Variants in SUGCT observed in about 807,000 individuals in gnomAD.
The protein encoded by SUGCT is succinyl-CoA:glutarate-CoA transferase.
Under a neutral mutation model 55.0 loss-of-function variants are expected in SUGCT, and 41 were observed. The ratio of observed to expected loss-of-function variants is 0.74; its 90% CI spans 0.58 to 0.97. The LOEUF is 0.97. Among genes scored for constraint, SUGCT ranks in the 50% least tolerant of loss-of-function variants. The pLI is 0.00. For missense variants in SUGCT, 568 were observed against 547.8 expected (o/e 1.04, Z -0.37); for synonymous variants, 187 against 200.4 (o/e 0.93, Z 0.56).
chr7:40,723,795 C>T (rs1786471147), intron 12 of SUGCT, among the ~76,000 whole-genome samples: 1 of 152,178 alleles, frequency 6.6e-6, no homozygotes, highest in Non-Finnish European at 1.5e-5. Flanking sequence ...AGATATTCAG[C>T]CCTTAACCAC....
chr7:40,312,637 G>A (rs888121098), intron 8 of SUGCT, among the ~76,000 whole-genome samples: 1 of 152,176 alleles, frequency 6.6e-6, no homozygotes, highest in Non-Finnish European at 1.5e-5. Flanking sequence ...CTGTGAAAGT[G>A]CAGTAGAAAT....
At chr7:40,564,373 A>T (rs572912619) in intron 12 of SUGCT, among the ~76,000 whole-genome samples, 1 of 152,358 alleles carries the variant, frequency 6.6e-6, no homozygotes, top group African/African-American at 2.4e-5. Context: ...CGACAGAGCG[A>T]GACTCCGTCT....
At chr7:40,483,401 T>C (rs1288509344) in intron 11 of SUGCT, among the ~76,000 whole-genome samples, 2 of 152,196 alleles carry the variant, frequency 1.3e-5, no homozygotes, top group Non-Finnish European at 1.5e-5. Context: ...TATTTAACAC[T>C]TATATAGCAC....
At chr7:40,933,925 G>A in the SUGCT span, among the ~76,000 whole-genome samples, 1 of 152,148 alleles carries the variant, frequency 6.6e-6, no homozygotes, top group Admixed American at 6.5e-5. Flanking sequence ...ACCTTCCGAA[G>A]CCTACTTCTC....
At chr7:40,706,539 G>A (rs1785418439) in intron 12 of SUGCT, among the ~76,000 whole-genome samples, 1 of 152,120 alleles carries the variant, frequency 6.6e-6, no homozygotes, top group East Asian at 1.9e-4. Flanking sequence ...CATGATAAGA[G>A]TCTTCGAATT....
chr7:40,414,993 C>T lies in SUGCT; in HGVS notation c.817-34294C>T, dbSNP rs144257068. 1.4e-3 allele frequency among the ~76,000 whole-genome samples: 204 copies of T among 149,208 alleles called. 2 individuals carry two copies. The highest frequency in any genetic ancestry group is 9.9e-3 in the East Asian group (50 of 5,036). Reference sequence around the variant, plus strand: ...TCTGGGGGCGGATGTTGCACTGAGCCGAGGTCACGCCACTGCACTCCAACC... The same window carrying T: ...TCTGGGGGCGGATGTTGCACTGAGCTGAGGTCACGCCACTGCACTCCAACC... On this transcript the variant is annotated intron_variant, in intron 9 of 13. Transcript: ENST00000335693.
chr7:40,186,404 G>C (rs1031986584), intron 3 of SUGCT, among the ~76,000 whole-genome samples: 1 of 151,764 alleles, frequency 6.6e-6, no homozygotes, highest in East Asian at 1.9e-4. Flanking sequence ...GAATACAGGC[G>C]TGTGCTACCA....
At chr7:40,418,003 A>C (rs1787104661) in intron 9 of SUGCT, among the ~76,000 whole-genome samples, 1 of 152,010 alleles carries the variant, frequency 6.6e-6, no homozygotes, top group Admixed American at 6.6e-5. Context: ...ACACGAGTCA[A>C]AGCTTCATGT....
chr7:40,438,046 T>C (rs1788269763), intron 9 of SUGCT, among the ~76,000 whole-genome samples: 1 of 152,160 alleles, frequency 6.6e-6, no homozygotes, highest in Non-Finnish European at 1.5e-5. Flanking sequence ...TGTGTTGACA[T>C]GGACTTCTGA....
chr7:40,898,323 C>T, the SUGCT span, among the ~76,000 whole-genome samples: 37 of 152,086 alleles, frequency 2.4e-4, no homozygotes, highest in Admixed American at 2.1e-3. Context: ...GTTTAAGAGC[C>T]GTAAGACTCA....
At chr7:40,364,458 G>A (rs1168728079) in intron 9 of SUGCT, among the ~76,000 whole-genome samples, 2 of 152,138 alleles carry the variant, frequency 1.3e-5, no homozygotes, top group African/African-American at 4.8e-5. Flanking sequence ...GGTACCGGTT[G>A]TTCCTTTCCA....
chr7:40,257,905 A>G (rs1790923680), intron 7 of SUGCT, among the ~76,000 whole-genome samples: 1 of 152,140 alleles, frequency 6.6e-6, no homozygotes, highest in Non-Finnish European at 1.5e-5. Context: ...AAATTTAAGT[A>G]TCATGAACAA....
chr7:40,359,002 A>G (rs1296730204), intron 9 of SUGCT, among the ~76,000 whole-genome samples: 7 of 152,222 alleles, frequency 4.6e-5, no homozygotes, highest in Admixed American at 4.6e-4. Flanking sequence ...CACTATGTTT[A>G]CAAACTCACT....
At chr7:40,569,259 C>G (rs897422260) in intron 12 of SUGCT, among the ~76,000 whole-genome samples, 19 of 152,096 alleles carry the variant, frequency 1.2e-4, no homozygotes, top group Non-Finnish European at 2.4e-4. Context: ...ACACTCAAGT[C>G]TCTCCTTTCC....
chr7:40,222,869 C>T (rs2150831115), intron 6 of SUGCT, among the ~76,000 whole-genome samples: 1 of 152,206 alleles, frequency 6.6e-6, no homozygotes, highest in African/African-American at 2.4e-5. Context: ...ACCTTGTGAT[C>T]CACCTGCCTA....
chr7:40,676,506 T>G (rs1177976277), intron 12 of SUGCT, among the ~76,000 whole-genome samples: 1 of 88,318 alleles, frequency 1.1e-5, no homozygotes, highest in Non-Finnish European at 1.9e-5. Context: ...TGTTTTTTGT[T>G]TTTTTTTTTT....
intron 13 of SUGCT, among the ~76,000 whole-genome samples, chr7:40,851,266 C>T (rs1274625358): frequency 6.6e-6 from 1 of 152,138 alleles, no homozygotes; most frequent in Non-Finnish European, 1.5e-5. Flanking sequence ...TTCTTAACCT[C>T]TCTGAGCTCC....
At chr7:40,956,098 T>G in the SUGCT span, among the ~76,000 whole-genome samples, 25 of 152,148 alleles carry the variant, frequency 1.6e-4, no homozygotes, top group African/African-American at 5.8e-4. Flanking sequence ...TCTTTTTTTG[T>G]TGTGTCTCTG....
At chr7:40,835,697 AT>A (rs916455313) in intron 13 of SUGCT, among the ~76,000 whole-genome samples, 6 of 152,160 alleles carry the variant, frequency 3.9e-5, no homozygotes, top group African/African-American at 1.4e-4. Flanking sequence ...ACATAAACAT[AT>A]TTATGGATTT....
Sources: gnomAD v4.1 joint callset for allele counts (sites outside exome capture counted in the v4.1 genomes callset) on GRCh38, gnomAD v4.1.1 for gene constraint, MANE v1.5 for transcripts, NCBI Gene and HGNC (gene_info 2026-07-23, HGNC 2026-07-21) for gene names.